Variants in RBFOX1 observed in about 807,000 individuals in gnomAD.
RBFOX1 encodes the protein RNA binding protein fox-1 homolog 1.
Under a neutral mutation model 57.7 loss-of-function variants are expected in RBFOX1, and 8 were observed. That is an observed-to-expected ratio of 0.14 (90% CI 0.08 to 0.25). RBFOX1 has a LOEUF of 0.25. RBFOX1 is among the 10% of genes least tolerant of loss of function. RBFOX1 has a pLI of 1.00. For missense variants in RBFOX1, 611 were observed against 548.5 expected (o/e 1.11, Z -1.14); for synonymous variants, 326 against 222.4 (o/e 1.47, Z -4.15).
At chr16:6,977,255 G>C (rs905407468) in intron 3 of RBFOX1, among the ~76,000 whole-genome samples, 1 of 150,344 alleles carries the variant, frequency 6.7e-6, no homozygotes, top group Non-Finnish European at 1.5e-5. Context: ...ATCTTGGGCA[G>C]ATTTGCTCTG....
intron 2 of RBFOX1, among the ~76,000 whole-genome samples, chr16:5,562,784 C>G (rs750555609): frequency 3.3e-5 from 5 of 152,102 alleles, no homozygotes; most frequent in Non-Finnish European, 7.4e-5. Flanking sequence ...GAAAAATTCT[C>G]TGCCATTTTC....
intron 3 of RBFOX1, among the ~76,000 whole-genome samples, chr16:5,745,740 C>A (rs1356378918): frequency 1.3e-5 from 2 of 152,170 alleles, no homozygotes; most frequent in Non-Finnish European, 2.9e-5. Flanking sequence ...TAAATGTCTT[C>A]TTTTGAGAAG....
chr16:7,121,317 A>T (rs1376019423), intron 4 of RBFOX1, among the ~76,000 whole-genome samples: 1 of 152,118 alleles, frequency 6.6e-6, no homozygotes, highest in Non-Finnish European at 1.5e-5. Flanking sequence ...ATTAATATAT[A>T]AGGGCATCTT....
At chr16:5,768,088 A>G (rs1051692130) in intron 3 of RBFOX1, among the ~76,000 whole-genome samples, 1 of 152,216 alleles carries the variant, frequency 6.6e-6, no homozygotes, top group Admixed American at 6.5e-5. Flanking sequence ...GCATTTAAAT[A>G]AGCATTCTCT....
chr16:5,319,164 A>T (rs1389850165), intron 1 of RBFOX1, among the ~76,000 whole-genome samples: 1 of 152,152 alleles, frequency 6.6e-6, no homozygotes, highest in East Asian at 1.9e-4. Context: ...AAAACATAAA[A>T]AACCAGAGAG....
intron 1 of RBFOX1, among the ~76,000 whole-genome samples, chr16:6,255,478 A>C (rs1173248199): frequency 4.6e-5 from 7 of 152,170 alleles, no homozygotes; most frequent in East Asian, 1.9e-4. Context: ...ATAATGTATG[A>C]GATGAGTGCA....
At chr16:6,983,485 G>A (rs1218865749) in intron 3 of RBFOX1, among the ~76,000 whole-genome samples, 1 of 151,514 alleles carries the variant, frequency 6.6e-6, no homozygotes, top group Non-Finnish European at 1.5e-5. Flanking sequence ...AAGATGAAAA[G>A]GAAGCGCTTA....
chr16:5,924,794 C>T (rs879382904), intron 4 of RBFOX1, among the ~76,000 whole-genome samples: 1 of 152,028 alleles, frequency 6.6e-6, no homozygotes, highest in Non-Finnish European at 1.5e-5. Flanking sequence ...TTTTTGTTTC[C>T]ATCTTCATGT....
Position 6,386,980 on chromosome 16 carries a change from A to G in RBFOX1, c.-64+69923A>G, listed in dbSNP as rs141927600. Among the ~76,000 whole-genome samples, 3 of 152,310 alleles carry G rather than the reference A, an allele frequency of 2.0e-5. No individual in the cohort carries two copies. In the East Asian group the frequency reaches 5.8e-4, roughly 29 times the overall value. ...GTGTTGGGGTAGTTATTGATTCCGC[A>G]AAGATGAAGCTCAGAGAGTACCCAG... On this transcript the variant is annotated intron_variant, in intron 2 of 15. Coordinates refer to ENST00000550418, the MANE Select transcript of RBFOX1 (RefSeq NM_018723.4).
intron 4 of RBFOX1, among the ~76,000 whole-genome samples, chr16:7,204,601 G>C (rs112653083): frequency 6.6e-6 from 1 of 152,146 alleles, no homozygotes; most frequent in African/African-American, 2.4e-5. Context: ...AGCTATGATC[G>C]TGCCATTGGA....
At chr16:7,091,428 ACAAGT>A (rs1343010955) in intron 4 of RBFOX1, among the ~76,000 whole-genome samples, 1 of 152,076 alleles carries the variant, frequency 6.6e-6, no homozygotes, top group East Asian at 1.9e-4. Flanking sequence ...GAGAAGAGCA[ACAAGT>A]CAAGTCAAGA....
intron 1 of RBFOX1, among the ~76,000 whole-genome samples, chr16:5,244,152 C>G (rs1437765023): frequency 1.3e-5 from 2 of 152,170 alleles, no homozygotes; most frequent in Non-Finnish European, 2.9e-5. Flanking sequence ...CTGCCTCGGC[C>G]TCCCAAGGTG....
intron 3 of RBFOX1, among the ~76,000 whole-genome samples, chr16:6,960,038 G>C (rs1017286629): frequency 3.9e-5 from 6 of 152,092 alleles, no homozygotes; most frequent in Admixed American, 6.5e-5. Flanking sequence ...CCTTTCCTAG[G>C]CCTTGAAACA....
chr16:5,787,425 A>C (rs933645470), intron 3 of RBFOX1, among the ~76,000 whole-genome samples: 1 of 152,200 alleles, frequency 6.6e-6, no homozygotes, highest in Admixed American at 6.5e-5. Flanking sequence ...CCTCTCTACA[A>C]ACTGGTCATC....
intron 4 of RBFOX1, among the ~76,000 whole-genome samples, chr16:7,458,695 C>T (rs1481358306): frequency 6.6e-6 from 1 of 151,976 alleles, no homozygotes; most frequent in African/African-American, 2.4e-5. Context: ...AAGTTCTTAC[C>T]TAGTTCACTC....
intron 3 of RBFOX1, among the ~76,000 whole-genome samples, chr16:6,756,124 A>G (rs2075749578): frequency 6.6e-6 from 1 of 152,316 alleles, no homozygotes; most frequent in South Asian, 2.1e-4. Flanking sequence ...AGAAACCTTT[A>G]AAAATCTTCA....
chr16:7,544,457 G>A (rs148272097), intron 5 of RBFOX1, among the ~76,000 whole-genome samples: 77 of 152,294 alleles, frequency 5.1e-4, no homozygotes, highest in African/African-American at 1.8e-3. Context: ...CTGGATTAGG[G>A]TGGGCCCTGA....
chr16:7,517,138 C>CATGT (rs1354039473), intron 4 of RBFOX1, among the ~76,000 whole-genome samples: 24 of 130,220 alleles, frequency 1.8e-4, no homozygotes, highest in East Asian at 1.1e-3. Flanking sequence ...TTTCTTATGC[C>CATGT]GTGTGTGTGT....
intron 2 of RBFOX1, among the ~76,000 whole-genome samples, chr16:5,481,853 C>A (rs576710904): frequency 6.6e-6 from 1 of 152,190 alleles, no homozygotes; most frequent in African/African-American, 2.4e-5. Flanking sequence ...GGTCTTCCCT[C>A]TGTGTGTCTG....
Sources: allele counts gnomAD v4.1 joint callset (sites outside exome capture counted in the v4.1 genomes callset), GRCh38; gene constraint gnomAD v4.1.1; transcripts MANE v1.5; gene names NCBI Gene and HGNC (gene_info 2026-07-23, HGNC 2026-07-21).